The following OPCML variants were observed in gnomAD, a reference collection of about 807,000 sequenced individuals.
OPCML encodes opioid binding protein/cell adhesion molecule like.
In OPCML, 13 loss-of-function variants were observed where a neutral mutation model predicts 37.8. That is an observed-to-expected ratio of 0.34 (90% CI 0.22 to 0.55). The LOEUF (loss-of-function observed/expected upper bound fraction) is 0.55. Among genes scored for constraint, OPCML ranks in the 20% least tolerant of loss-of-function variants. The pLI is 0.91. For synonymous variants in OPCML, 176 were observed against 168.8 expected, an observed-to-expected ratio of 1.04 and a Z score of -0.33; for missense variants, 341 against 435.6, an observed-to-expected ratio of 0.78 and a Z score of 1.93.
Position 133,232,575 on chromosome 11 carries a change from GA to G in OPCML, c.62-289566del, listed in dbSNP as rs149567552. Reference sequence around the variant, plus strand: ...GTGTGAATCTCATGTGAAATTAAAAGAAAAAAAAAACCACCTCACTCTTCAC... The same window carrying G: ...GTGTGAATCTCATGTGAAATTAAAAGAAAAAAAAACCACCTCACTCTTCAC... On this transcript the variant is annotated intron_variant, in intron 1 of 7. Coordinates refer to ENST00000524381, the MANE Select transcript of OPCML (RefSeq NM_001012393.5). 4.1e-4 allele frequency among the ~76,000 whole-genome samples: 60 copies of G among 147,854 alleles called. No individual in the cohort carries two copies. In the East Asian group the frequency reaches 5.9e-3, roughly 15 times the overall value.
chr11:133,173,477 A>G lies in OPCML; in HGVS notation c.62-230467T>C, dbSNP rs1950315726. ...ATGAGCAACCACTAGCCACAGATGG[A>G]TTCCTAGAATCTACAGCAGAGTGTC... On this transcript the variant is annotated intron_variant, in intron 1 of 7. Transcript: ENST00000524381. This position sits in a 1 kb window ranked among gnomAD's most constrained non-coding sequence, Gnocchi z 7.8. 6.6e-6 allele frequency among the ~76,000 whole-genome samples: 1 copy of G among 152,190 alleles called. No individual in the cohort carries two copies.
intron 1 of OPCML, among the ~76,000 whole-genome samples, chr11:133,356,363 T>C (rs1464021637): frequency 1.3e-5 from 2 of 152,228 alleles, no homozygotes; most frequent in Non-Finnish European, 2.9e-5. Context: ...AATAGTTTTG[T>C]TGCAACAAGT....
chr11:133,211,868 G>T lies in OPCML; in HGVS notation c.62-268858C>A, dbSNP rs1260235584. On this transcript the variant is annotated intron_variant, in intron 1 of 7. Transcript: ENST00000524381. This position sits in a 1 kb window ranked among gnomAD's most constrained non-coding sequence, Gnocchi z 4.1. ...ATTTGACTCAAACTCTTCAAGATAG[G>T]GAGTTAAAGAATGCAAAGTTGAAGC... Among the ~76,000 whole-genome samples the T allele has an allele frequency of 6.6e-6, 1 of 152,138 alleles. No homozygotes were observed. The highest frequency in any genetic ancestry group is 2.4e-5 in the African/African-American group (1 of 41,402).
chr11:132,966,387 T>A (rs1263784440), intron 1 of OPCML, among the ~76,000 whole-genome samples: 1 of 152,158 alleles, frequency 6.6e-6, no homozygotes, highest in Non-Finnish European at 1.5e-5. Flanking sequence ...GATACTACAC[T>A]GTATGATTTT....
chr11:133,005,704 TTTTTC>T (rs1947097191), intron 1 of OPCML: 1 of 977,682 alleles, frequency 1.0e-6, no homozygotes, highest in African/African-American at 1.8e-5. Flanking sequence ...CTAATCCAGA[TTTTTC>T]TTATCTTTTC....
intron 2 of OPCML, among the ~76,000 whole-genome samples, chr11:132,711,934 C>T (rs1004420054): frequency 2.0e-5 from 3 of 152,184 alleles, no homozygotes; most frequent in Non-Finnish European, 4.4e-5. Flanking sequence ...AAATATTCAA[C>T]TAAATAGAAA....
At chr11:133,367,152 T>C (rs768732669) in intron 1 of OPCML, among the ~76,000 whole-genome samples, 103 of 152,244 alleles carry the variant, frequency 6.8e-4, no homozygotes, top group Non-Finnish European at 1.3e-3. Flanking sequence ...CTAACTTTTT[T>C]ATTTCTAATA....
chr11:133,384,266 G>GAA (rs1311468159), intron 1 of OPCML, among the ~76,000 whole-genome samples: 1 of 35,352 alleles, frequency 2.8e-5, no homozygotes, highest in African/African-American at 8.5e-5. Context: ...AAAAAAAAAA[G>GAA]AAAAGAAAAG....
At chr11:132,539,874 C>T (rs1029092089) in intron 3 of OPCML, among the ~76,000 whole-genome samples, 1 of 150,978 alleles carries the variant, frequency 6.6e-6, no homozygotes, top group Admixed American at 6.6e-5. Context: ...TGATGGTGAT[C>T]ATGGTGATGA....
At chr11:133,186,651 A>G (rs1938090070) in intron 1 of OPCML, among the ~76,000 whole-genome samples, 1 of 152,176 alleles carries the variant, frequency 6.6e-6, no homozygotes, top group South Asian at 2.1e-4. Flanking sequence ...TTCAACAGAT[A>G]CTTAGGACAT....
chr11:132,836,575 C>T (rs1375489321), intron 2 of OPCML, among the ~76,000 whole-genome samples: 1 of 152,148 alleles, frequency 6.6e-6, no homozygotes, highest in Non-Finnish European at 1.5e-5. Flanking sequence ...ATTATGACAG[C>T]TCAAATCAAG....
intron 3 of OPCML, among the ~76,000 whole-genome samples, chr11:132,544,056 G>A (rs554986265): frequency 2.6e-5 from 4 of 151,976 alleles, no homozygotes; most frequent in Non-Finnish European, 5.9e-5. Context: ...TCATATTTTA[G>A]CATTTTTATT....
intron 2 of OPCML, among the ~76,000 whole-genome samples, chr11:132,715,955 A>T (rs1944459604): frequency 6.6e-6 from 1 of 152,230 alleles, no homozygotes; most frequent in South Asian, 2.1e-4. Context: ...TGACAGGTCG[A>T]TCTGACTTTC....
chr11:133,177,448 A>G lies in OPCML; in HGVS notation c.62-234438T>C, dbSNP rs1338841390. Among the ~76,000 whole-genome samples the G allele has an allele frequency of 6.6e-6, 1 of 152,234 alleles. No homozygotes were observed. Among genetic ancestry groups the G allele is most frequent in the African/African-American group, 2.4e-5 (1 of 41,464 alleles). ...AGGTTACTTGAACTTTATTAAGCTG[A>G]GCTAAATCCACTGAAATGAATGAGA... On this transcript the variant is annotated intron_variant, in intron 1 of 7. Transcript: ENST00000524381. This position sits in a 1 kb window ranked among gnomAD's most constrained non-coding sequence, Gnocchi z 5.0.
chr11:133,436,118 A>G (rs1946227974), intron 1 of OPCML, among the ~76,000 whole-genome samples: 2 of 152,138 alleles, frequency 1.3e-5, no homozygotes, highest in Non-Finnish European at 2.9e-5. Flanking sequence ...AAAACTAGCA[A>G]TAAATTGTTC....
At chr11:132,988,057 TAACCAC>T (rs1946710645) in intron 1 of OPCML, among the ~76,000 whole-genome samples, 1 of 152,238 alleles carries the variant, frequency 6.6e-6, no homozygotes, top group African/African-American at 2.4e-5. Flanking sequence ...TGCTTTCAAG[TAACCAC>T]AACAATAAAA....
intron 2 of OPCML, among the ~76,000 whole-genome samples, chr11:132,793,027 C>T (rs560526145): frequency 2.6e-4 from 40 of 152,296 alleles, no homozygotes; most frequent in East Asian, 1.2e-3. Flanking sequence ...CGGGCAGCGG[C>T]GGGCTCTGCT....
intron 2 of OPCML, among the ~76,000 whole-genome samples, chr11:132,729,082 G>T (rs887508212): frequency 6.6e-6 from 1 of 152,210 alleles, no homozygotes; most frequent in Non-Finnish European, 1.5e-5. Flanking sequence ...AGGGGGTCAA[G>T]AAGTAGCACT....
chr11:132,455,091 T>A (rs1054757823), intron 4 of OPCML, among the ~76,000 whole-genome samples: 1 of 152,182 alleles, frequency 6.6e-6, no homozygotes, highest in African/African-American at 2.4e-5. Context: ...GCTACATTCT[T>A]AAACGATCTT....
Sources: allele counts gnomAD v4.1 joint callset (sites outside exome capture counted in the v4.1 genomes callset), GRCh38; gene constraint gnomAD v4.1.1; non-coding constraint Gnocchi (gnomAD v3.1); transcripts MANE v1.5; gene names NCBI Gene and HGNC (gene_info 2026-07-23, HGNC 2026-07-21).